The following LEKR1 variants were observed in gnomAD, a reference collection of about 807,000 sequenced individuals.
LEKR1 encodes protein LEKR1.
LEKR1 carries 59 observed loss-of-function variants against 72.4 expected under a neutral mutation model. The ratio of observed to expected loss-of-function variants is 0.82; its 90% CI spans 0.66 to 1.01. LEKR1 has a LOEUF of 1.01. Among genes scored for constraint, LEKR1 ranks in the 50% least tolerant of loss-of-function variants. The probability of loss-of-function intolerance (pLI) is 0.00; values close to 1 mark genes in which losing one functional copy is unlikely to be tolerated. For synonymous variants in LEKR1, 257 were observed against 263.2 expected (o/e 0.98, Z 0.23); for missense variants, 728 against 759.2 (o/e 0.96, Z 0.48).
At position 156,856,059 on chromosome 3, in the gene LEKR1, T is replaced by G. The variant is rs143373269; in HGVS notation, c.263+3077T>G. Among the ~76,000 whole-genome samples, 448 of 151,468 alleles carry G rather than the reference T, an allele frequency of 3.0e-3. 1 individual carries two copies. Among genetic ancestry groups the G allele is most frequent in the African/African-American group, 0.01 (418 of 41,052 alleles). On this transcript the variant is annotated intron_variant, in intron 3 of 12. Coordinates refer to ENST00000356539, the MANE Select transcript of LEKR1 (RefSeq NM_001004316.3). ...GTTATCAGAAGAAGAGGGAATAGAC[T>G]CACGCAAGTAGAAACAACAACATAT...
chr3:156,872,634 T>G (rs1718086956), intron 3 of LEKR1, among the ~76,000 whole-genome samples: 3 of 152,072 alleles, frequency 2.0e-5, no homozygotes, highest in Admixed American at 1.3e-4. Context: ...GTTTTTGGAA[T>G]GTTGTATTTC....
chr3:156,886,695 TCCCATGAC>T (rs1212998114), intron 3 of LEKR1, among the ~76,000 whole-genome samples: 1 of 152,152 alleles, frequency 6.6e-6, no homozygotes, highest in East Asian at 1.9e-4. Context: ...GGTTAAAACC[TCCCATGAC>T]CTGGATTTTC....
intron 3 of LEKR1, among the ~76,000 whole-genome samples, chr3:156,880,785 C>A (rs1036137487): frequency 6.6e-6 from 1 of 152,148 alleles, no homozygotes; most frequent in Non-Finnish European, 1.5e-5. Context: ...AGCAGCACAT[C>A]AAAAAACTTA....
intron 6 of LEKR1, chr3:156,977,729 C>A: frequency 4.2e-6 from 1 of 236,610 alleles, no homozygotes; most frequent in Non-Finnish European, 9.0e-6. Flanking sequence ...TTTCTGAAAA[C>A]ATACTGGAGT....
chr3:156,874,724 A>G (rs1394742814), intron 3 of LEKR1, among the ~76,000 whole-genome samples: 1 of 152,058 alleles, frequency 6.6e-6, no homozygotes, highest in Non-Finnish European at 1.5e-5. Flanking sequence ...AGTTCATTAT[A>G]TTATTCTTAT....
chr3:157,001,234 G>T (rs1482409644), intron 9 of LEKR1, among the ~76,000 whole-genome samples: 1 of 152,128 alleles, frequency 6.6e-6, no homozygotes, highest in Non-Finnish European at 1.5e-5. Flanking sequence ...ATTTTATCAG[G>T]TTTTTTCTCC....
intron 12 of LEKR1, among the ~76,000 whole-genome samples, chr3:157,039,077 T>TA (rs1403992692): frequency 6.6e-6 from 1 of 152,146 alleles, no homozygotes; most frequent in African/African-American, 2.4e-5. Context: ...CTCTTTTGTT[T>TA]AAAAAACAAA....
intron 3 of LEKR1, among the ~76,000 whole-genome samples, chr3:156,853,479 A>G (rs1020203983): frequency 2.6e-5 from 4 of 152,108 alleles, no homozygotes; most frequent in South Asian, 2.1e-4. Flanking sequence ...CTAATCAGCA[A>G]TCTAGCCTGC....
At chr3:156,950,426 G>A (rs1170038894) in intron 6 of LEKR1, among the ~76,000 whole-genome samples, 1 of 151,514 alleles carries the variant, frequency 6.6e-6, no homozygotes, top group Non-Finnish European at 1.5e-5. Flanking sequence ...ATTGCTTTGG[G>A]CAGTATGGCC....
At chr3:156,982,858 G>GTGT (rs1730332667) in intron 7 of LEKR1, among the ~76,000 whole-genome samples, 9 of 62,918 alleles carry the variant, frequency 1.4e-4, no homozygotes, top group African/African-American at 5.6e-4. Flanking sequence ...TGTGTGTGTA[G>GTGT]ATAGATAGAT....
chr3:156,882,352 G>A (rs978509957), intron 3 of LEKR1, among the ~76,000 whole-genome samples: 5 of 151,506 alleles, frequency 3.3e-5, no homozygotes, highest in Non-Finnish European at 7.4e-5. Flanking sequence ...GACATGAACA[G>A]ACACTTCTCA....
chr3:156,895,307 A>T (rs1721062031), intron 3 of LEKR1, among the ~76,000 whole-genome samples: 1 of 152,208 alleles, frequency 6.6e-6, no homozygotes, highest in Non-Finnish European at 1.5e-5. Flanking sequence ...TGATCATTAG[A>T]GAAATGCAAA....
intron 3 of LEKR1, among the ~76,000 whole-genome samples, chr3:156,875,291 T>A (rs1718422924): frequency 6.6e-6 from 1 of 152,198 alleles, no homozygotes; most frequent in Admixed American, 6.5e-5. Flanking sequence ...TGTTGAGCAT[T>A]TTTTTATGTT....
chr3:156,934,816 T>C (rs1019794631), intron 5 of LEKR1, among the ~76,000 whole-genome samples: 1 of 142,628 alleles, frequency 7.0e-6, no homozygotes, highest in Non-Finnish European at 1.6e-5. Context: ...TATATATATA[T>C]ACATACATAT....
At chr3:157,034,712 G>A (rs1013395694) in intron 12 of LEKR1, among the ~76,000 whole-genome samples, 2 of 152,210 alleles carry the variant, frequency 1.3e-5, no homozygotes, top group African/African-American at 4.8e-5. Context: ...AAGTTCTACT[G>A]CGGGTAAAAT....
intron 3 of LEKR1, among the ~76,000 whole-genome samples, chr3:156,883,290 C>T (rs1377630436): frequency 6.6e-6 from 1 of 152,148 alleles, no homozygotes; most frequent in African/African-American, 2.4e-5. Flanking sequence ...AATGCCTGCA[C>T]CCCCATTGTA....
chr3:156,975,992 C>T (rs1413101002), intron 6 of LEKR1, among the ~76,000 whole-genome samples: 2 of 152,130 alleles, frequency 1.3e-5, no homozygotes, highest in Non-Finnish European at 2.9e-5. Context: ...TATTTAACAA[C>T]TCCTTGCCTC....
intron 11 of LEKR1, among the ~76,000 whole-genome samples, chr3:157,027,619 C>A (rs1299393836): frequency 6.6e-6 from 1 of 151,976 alleles, no homozygotes; most frequent in African/African-American, 2.4e-5. Context: ...AGTTTAAGAC[C>A]AGCCATGGTA....
rs148196302 is a variant in LEKR1 at position 157,007,367 on chromosome 3, T to C, written c.1110-4046T>C. On this transcript the variant is annotated intron_variant, in intron 9 of 12. Transcript: ENST00000356539. ...CCCAGATAATGAAAAAGAGGCACAT[T>C]TCAGAGAGGAAAGCTAGGAGCTGCG... Among the ~76,000 whole-genome samples, 682 of 152,204 alleles carry C rather than the reference T, an allele frequency of 4.5e-3. 6 individuals carry two copies. Among genetic ancestry groups the C allele is most frequent in the African/African-American group, 0.015 (641 of 41,530 alleles).
Sources: gnomAD v4.1 joint callset for allele counts (sites outside exome capture counted in the v4.1 genomes callset) on GRCh38, gnomAD v4.1.1 for gene constraint, MANE v1.5 for transcripts, NCBI Gene and HGNC (gene_info 2026-07-23, HGNC 2026-07-21) for gene names.